The following MLXIPL variants were observed in gnomAD, a reference collection of about 807,000 sequenced individuals.
MLXIPL encodes the protein MLX interacting protein like, also known as carbohydrate-responsive element-binding protein.
MLXIPL carries 49 observed loss-of-function variants against 81.5 expected under a neutral mutation model. The ratio of observed to expected loss-of-function variants is 0.60; its 90% CI spans 0.48 to 0.76. The LOEUF is 0.76. Ranked by LOEUF, MLXIPL falls within the 30% of genes least tolerant of loss-of-function variation. The pLI, the probability that MLXIPL is intolerant of heterozygous loss-of-function variation, is 0.00. For synonymous variants in MLXIPL, 466 were observed against 485.5 expected (o/e 0.96, Z 0.53); for missense variants, 1,053 against 1,167.0 (o/e 0.90, Z 1.42).
chr7:73,635,875 T>A, the MLXIPL span, among the ~76,000 whole-genome samples: 2 of 152,174 alleles, frequency 1.3e-5, no homozygotes, highest in Non-Finnish European at 2.9e-5. Flanking sequence ...GTACACATAT[T>A]AACCGCCTGC....
chr7:73,645,268 C>T, the MLXIPL span, among the ~76,000 whole-genome samples: 1 of 152,186 alleles, frequency 6.6e-6, no homozygotes, highest in Non-Finnish European at 1.5e-5. Flanking sequence ...CCTCAAGCAA[C>T]CCTCCCACTT....
At chr7:73,636,120 A>C in the MLXIPL span, among the ~76,000 whole-genome samples, 3,157 of 152,284 alleles carry the variant, frequency 0.021, 47 homozygotes, top group Non-Finnish European at 0.031. Flanking sequence ...CTCAAAAGAC[A>C]AAGTGGAGGC....
Position 73,595,910 on chromosome 7 carries a change from C to A in MLXIPL, c.2118G>T (p.Glu706Asp). ...GGGCCTCCTCCTGCAAGCCCGCACGCTCCTGCTGTAGCATAAGGATGTACT... is the reference window on the plus strand; with the variant it reads ...GGGCCTCCTCCTGCAAGCCCGCACGATCCTGCTGTAGCATAAGGATGTACT... ...TAEYILMLQQ[E>D]RAGLQEEAQQ... The change falls in exon 14 of 17, where the codon GAG becomes GAT. Residue 706 changes from glutamate (E) to aspartate (D), a missense_variant. Glu to Asp is a conservative substitution (Grantham distance 45, BLOSUM62 2). Around this residue, in one of 3 missense-constraint regions of MLXIPL, gnomAD observed 823 missense variants for 933.0 expected, o/e 0.88. Transcript: ENST00000313375. 3 of 1,613,358 alleles carry A rather than the reference C, an allele frequency of 1.9e-6. No individual in the cohort carries two copies. The highest frequency in any genetic ancestry group is 2.5e-6 in the Non-Finnish European group (3 of 1,179,964).
At chr7:73,639,450 G>A in the MLXIPL span, among the ~76,000 whole-genome samples, 2 of 152,104 alleles carry the variant, frequency 1.3e-5, no homozygotes, top group African/African-American at 4.8e-5. Context: ...TCCCTATAGG[G>A]AAATACTATG....
chr7:73,621,277 A>G (rs1489005233), intron 1 of MLXIPL, among the ~76,000 whole-genome samples: 2 of 151,464 alleles, frequency 1.3e-5, no homozygotes, highest in Non-Finnish European at 2.9e-5. Context: ...GCTTCCTTGA[A>G]GCTTCCAGAA....
At chr7:73,629,329 C>G (rs112154753), upstream of MLXIPL, among the ~76,000 whole-genome samples, 2,940 of 152,092 alleles carry the variant, frequency 0.019, 102 homozygotes, top group African/African-American at 0.068. Flanking sequence ...AGTGAGGCAC[C>G]GTGCCTGGCC....
intron 1 of MLXIPL, 92 bp downstream of exon 1, chr7:73,624,108 G>A: frequency 6.9e-7 from 1 of 1,443,364 alleles, no homozygotes. Context: ...CTCGGGTGGG[G>A]TGTTGAGGGC....
intron 2 of MLXIPL, among the ~76,000 whole-genome samples, chr7:73,608,216 G>C (rs1032760605): frequency 6.6e-6 from 1 of 152,038 alleles, no homozygotes; most frequent in Admixed American, 6.6e-5. Flanking sequence ...GGGTTCCTCT[G>C]GAGCCCCATA....
Position 73,607,674 on chromosome 7 carries a change from T to A in MLXIPL, c.401-2A>T. On this transcript the variant is annotated splice_acceptor_variant, in intron 2 of 16. Coordinates refer to ENST00000313375, the MANE Select transcript of MLXIPL (RefSeq NM_032951.3). LOFTEE classifies it high-confidence loss of function. The stretch of plus-strand genomic sequence containing the variant: ...CGGGGCTCTTCCTCCGCTTCACATC[T>A]GAGAGAAGGGGGCCAGGTCAGGGGC... The A allele has an allele frequency of 1.2e-6, 2 of 1,612,978 alleles. No individual in the cohort carries two copies. Among genetic ancestry groups the A allele is most frequent in the Non-Finnish European group, 8.5e-7 (1 of 1,179,790 alleles).
the MLXIPL span, among the ~76,000 whole-genome samples, chr7:73,635,619 T>C: frequency 1.3e-5 from 2 of 150,556 alleles, no homozygotes; most frequent in African/African-American, 4.9e-5. Context: ...CATCCATCTC[T>C]CTCCATCCAC....
chr7:73,620,061 G>A (rs578201660), intron 1 of MLXIPL, among the ~76,000 whole-genome samples: 1 of 152,120 alleles, frequency 6.6e-6, no homozygotes, highest in South Asian at 2.1e-4. Context: ...CTTGAACCCA[G>A]GAGTTCAAGA....
chr7:73,600,965 C>T (rs910352125), intron 7 of MLXIPL, among the ~76,000 whole-genome samples: 4 of 151,956 alleles, frequency 2.6e-5, no homozygotes, highest in Non-Finnish European at 4.4e-5. Flanking sequence ...GCCTGTGATC[C>T]GTGCCAGCTC....
chr7:73,637,048 A>G, the MLXIPL span, among the ~76,000 whole-genome samples: 2 of 136,396 alleles, frequency 1.5e-5, no homozygotes, highest in Non-Finnish European at 3.2e-5. Flanking sequence ...CAACAGAGCG[A>G]GATTCCATCT....
intron 7 of MLXIPL, among the ~76,000 whole-genome samples, chr7:73,603,592 C>T (rs782412854): frequency 6.6e-6 from 1 of 151,880 alleles, no homozygotes; most frequent in Non-Finnish European, 1.5e-5. Context: ...CCCAGGACCC[C>T]GTGGGGAAGG....
intron 7 of MLXIPL, among the ~76,000 whole-genome samples, chr7:73,602,126 G>GCCTT (rs1317199546): frequency 5.4e-3 from 410 of 76,164 alleles, no homozygotes; most frequent in African/African-American, 0.018. Context: ...CTGCCTGCCT[G>GCCTT]CCTGCCTTCC....
the MLXIPL span, among the ~76,000 whole-genome samples, chr7:73,639,032 T>C: frequency 6.6e-6 from 1 of 152,060 alleles, no homozygotes; most frequent in Non-Finnish European, 1.5e-5. Context: ...GAGGGAAGAC[T>C]TTCCCTTAGT....
chr7:73,625,679 T>C (rs1796701257), upstream of MLXIPL, among the ~76,000 whole-genome samples: 1 of 152,088 alleles, frequency 6.6e-6, no homozygotes, highest in African/African-American at 2.4e-5. Context: ...AAGAATCACA[T>C]GAGCCCAAGA....
At chr7:73,646,293 C>A in the MLXIPL span, among the ~76,000 whole-genome samples, 1 of 152,142 alleles carries the variant, frequency 6.6e-6, no homozygotes, top group Non-Finnish European at 1.5e-5. Context: ...ATGACCTCTC[C>A]CACTTCCACG....
Position 73,605,780 on chromosome 7 carries a change from A to C in MLXIPL, c.821-12T>G, listed in dbSNP as rs901599070. On this transcript the variant is annotated splice_polypyrimidine_tract_variant and intron_variant, in intron 6 of 16. Transcript: ENST00000313375. ...ATTGCCGACGTAGGCTGGAGGCAGC[A>C]GTGGCGACATCAGCAGCAGCAGGCA... 1.9e-6 allele frequency: 3 copies of C among 1,612,488 alleles called. No individual in the cohort carries two copies. The highest frequency in any genetic ancestry group is 1.7e-6 in the Non-Finnish European group (2 of 1,179,380).
Sources: gnomAD v4.1 joint callset for allele counts (sites outside exome capture counted in the v4.1 genomes callset) on GRCh38, gnomAD v4.1.1 for gene constraint, gnomAD v4.1.1 regional missense constraint, MANE v1.5 for transcripts, NCBI Gene and HGNC (gene_info 2026-07-23, HGNC 2026-07-21) for gene names.